The following STAC2 variants were observed in gnomAD, a reference collection of about 807,000 sequenced individuals.
The protein encoded by STAC2 is SH3 and cysteine rich domain 2.
In STAC2, 36 loss-of-function variants were observed where a neutral mutation model predicts 49.0. The ratio of observed to expected loss-of-function variants is 0.74; its 90% CI spans 0.56 to 0.97. STAC2 has a LOEUF of 0.97. Ranked by LOEUF, STAC2 falls within the 50% of genes least tolerant of loss-of-function variation. The pLI is 0.00. For missense variants in STAC2, 527 were observed against 543.8 expected, an observed-to-expected ratio of 0.97 and a Z score of 0.31; for synonymous variants, 239 against 214.7, an observed-to-expected ratio of 1.11 and a Z score of -0.99.
In STAC2 at chr17:39,211,716, T is replaced by C. The variant is rs945830208; in HGVS notation, c.*576A>G. The C allele has an allele frequency of 6.5e-6, 1 of 152,734 alleles. No individual in the cohort carries two copies. Among genetic ancestry groups the C allele is most frequent in the Non-Finnish European group, 1.5e-5 (1 of 68,064 alleles). 9.5% of individuals were successfully genotyped at this position (152,734 alleles called of 1,614,324 possible). A position where few individuals can be genotyped will look rare whatever the true frequency, so the allele number is the denominator to read the frequency against. On this transcript the variant is annotated 3_prime_UTR_variant, in exon 11 of 11. Coordinates refer to ENST00000333461, the MANE Select transcript of STAC2 (RefSeq NM_198993.5). ...GATTCCTGCAAAACTTTCCTGAGAA[T>C]TGACGGAATGACAGAGGTGGAGACC...
Position 39,216,896 on chromosome 17 carries a change from G to T in STAC2, c.500C>A (p.Thr167Asn), listed in dbSNP as rs775401753. ...SHQQCPGKTSTSFRRNFSSPL... is the reference protein window; with the variant it reads ...SHQQCPGKTSNSFRRNFSSPL... ...GGAACTGAAGTTGCGGCGGAAGGAG[G>T]TGGACTATGGCAAGAGAGGGCAGAG... The change falls in exon 4 of 11, where the codon ACC becomes AAC. Residue 167 changes from threonine (T) to asparagine (N), a missense_variant. Physicochemically the swap from Thr to Asn is moderately conservative, Grantham distance 65. Transcript: ENST00000333461. 6.2e-7 allele frequency: 1 copy of T among 1,600,440 alleles called. No individual in the cohort carries two copies. The highest frequency in any genetic ancestry group is 1.3e-5 in the African/African-American group (1 of 74,864).
intron 1 of STAC2, among the ~76,000 whole-genome samples, chr17:39,224,325 G>T (rs1028369959): frequency 7.9e-5 from 12 of 152,338 alleles, no homozygotes; most frequent in African/African-American, 2.4e-4. Context: ...CCGGGTGAAG[G>T]GGGAGGGAGG....
Position 39,225,304 on chromosome 17 carries a change from G to A in STAC2, c.90+109C>T. 5.7e-6 allele frequency: 5 copies of A among 884,716 alleles called. No homozygotes were observed. Among genetic ancestry groups the A allele is most frequent in the Non-Finnish European group, 8.2e-6 (5 of 609,842 alleles). 54.8% of individuals were successfully genotyped at this position (884,716 alleles called of 1,614,324 possible). ...AGCGGCGCGGAGCCTCAGTGGTCAC[G>A]CGGGCCTCGCGACCGCGACCCTAGG... On this transcript the variant is annotated intron_variant, in intron 1 of 10. Coordinates refer to ENST00000333461, the MANE Select transcript of STAC2 (RefSeq NM_198993.5). This position sits in a 1 kb window ranked among gnomAD's most constrained non-coding sequence, Gnocchi z 8.2.
In STAC2 at chr17:39,215,028, G is replaced by GGACA. The variant is rs1290219799; in HGVS notation, c.700-9_700-6dup. The GGACA allele has an allele frequency of 5.6e-6, 9 of 1,613,908 alleles. No homozygotes were observed. Among genetic ancestry groups the GGACA allele is most frequent in the Non-Finnish European group, 7.6e-6 (9 of 1,180,000 alleles). On this transcript the variant is annotated splice_polypyrimidine_tract_variant and splice_region_variant and intron_variant, in intron 5 of 10. Transcript: ENST00000333461. ...GGTCAGCTCATCCCGCTCACTCTAG[G>GGACA]GACAGAGAGAGGAGAGGGCTCAGCC...
Position 39,225,603 on chromosome 17 carries a change from C to T in STAC2, c.-101G>A. The T allele has an allele frequency of 5.4e-6, 6 of 1,120,160 alleles. No individual in the cohort carries two copies. Among genetic ancestry groups the T allele is most frequent in the Non-Finnish European group, 7.8e-6 (6 of 764,394 alleles). The allele number at this position is 1,120,160 out of a possible 1,614,324, so 69.4% of individuals were successfully genotyped here. ...GTCTCCGGGACTCTGAAGCCGTTCT[C>T]CAGAGGCTGCCCCCAGTTAGCCCCC... On this transcript the variant is annotated 5_prime_UTR_variant, in exon 1 of 11. An upstream open reading frame in the 5' UTR gains an earlier in-frame stop. Coordinates refer to ENST00000333461, the MANE Select transcript of STAC2 (RefSeq NM_198993.5). This position sits in a 1 kb window ranked among gnomAD's most constrained non-coding sequence, Gnocchi z 8.2.
intron 1 of STAC2, among the ~76,000 whole-genome samples, chr17:39,219,486 C>T (rs939151665): frequency 1.3e-5 from 2 of 152,150 alleles, no homozygotes; most frequent in South Asian, 2.1e-4. Flanking sequence ...CAGCTCCACT[C>T]GGGTGATGCT....
Position 39,217,988 on chromosome 17 carries a change from G to A in STAC2, c.276C>T (p.Ser92=). Residue 92 remains serine, a synonymous_variant, in exon 2 of 11, where the codon TCC becomes TCT. Coordinates refer to ENST00000333461, the MANE Select transcript of STAC2 (RefSeq NM_198993.5). ...TASDRGLATP[S]PSPCPVPRPL... ...GGCGTGGGACTGGGCATGGGGAGGG[G>A]GATGGGGTAGCCAGGCCCCTGTCCG... 1 of 1,586,364 alleles carries A rather than the reference G, an allele frequency of 6.3e-7. No homozygotes were observed. The highest frequency in any genetic ancestry group is 8.6e-7 in the Non-Finnish European group (1 of 1,167,126).
At position 39,214,283 on chromosome 17, in the gene STAC2, G is replaced by C; in HGVS notation, c.891C>G (p.Tyr297Ter). 3 of 1,614,058 alleles carry C rather than the reference G, an allele frequency of 1.9e-6. No homozygotes were observed. The highest frequency in any genetic ancestry group is 2.5e-6 in the Non-Finnish European group (3 of 1,179,960). Residue 297 changes from tyrosine to a stop codon, truncating the protein, a stop_gained, in exon 8 of 11, where the codon TAC (tyrosine) becomes TAG (stop). Transcript: ENST00000333461. LOFTEE classifies it high-confidence loss of function. ...LRKDVGPMYS[Y>*]VALYKFLPQE... ...GGGGCAGAAACTTGTAGAGTGCAAC[G>C]TAGGAGTACATGGGCCCCACATCCT...
Position 39,211,181 on chromosome 17 carries a change from G to C in STAC2, c.*1111C>G, listed in dbSNP as rs923785270. 2.6e-5 allele frequency: 4 copies of C among 152,412 alleles called. No homozygotes were observed. The highest frequency in any genetic ancestry group is 9.7e-5 in the African/African-American group (4 of 41,430). 9.4% of individuals were successfully genotyped at this position (152,412 alleles called of 1,614,324 possible). ...GGCGGGTGGTTCCTGTGTGACCGGG[G>C]GTCCTGACAGTGAAATGGGTTTGCT... On this transcript the variant is annotated 3_prime_UTR_variant, in exon 11 of 11. Coordinates refer to ENST00000333461, the MANE Select transcript of STAC2 (RefSeq NM_198993.5).
chr17:39,223,699 C>A (rs965432865), intron 1 of STAC2, among the ~76,000 whole-genome samples: 2 of 152,182 alleles, frequency 1.3e-5, no homozygotes, highest in African/African-American at 2.4e-5. Flanking sequence ...AGAGGACAGG[C>A]CTTGGTGTGG....
In STAC2 at chr17:39,215,155, CTG is replaced by C. The variant is rs1404740368; in HGVS notation, c.660_661del (p.Ser221PhefsTer6). On this transcript the variant is annotated frameshift_variant, in exon 5 of 11. Transcript: ENST00000333461. LOFTEE classifies it high-confidence loss of function. ...CGGGGACTCAGAGGTGCTGCTGAAA[CTG>C]GAGCGGTTCATCAGTGCCAGGGAGG... 6.2e-7 allele frequency: 1 copy of C among 1,614,084 alleles called. No individual in the cohort carries two copies. Among genetic ancestry groups the C allele is most frequent in the Non-Finnish European group, 8.5e-7 (1 of 1,180,006 alleles).
intron 9 of STAC2, 51 bp from the exon 10 acceptor site, chr17:39,213,183 C>T: frequency 1.3e-6 from 2 of 1,594,680 alleles, no homozygotes; most frequent in Non-Finnish European, 1.7e-6. Context: ...ACCCCTGCTG[C>T]CCACCACTGC....
chr17:39,213,284 T>G, intron 9 of STAC2, 152 bp from the exon 10 acceptor site: 2 of 1,381,812 alleles, frequency 1.4e-6, no homozygotes, highest in Non-Finnish European at 2.0e-6. Context: ...AGGTGGCTTC[T>G]GGGCCAGGAA....
rs1406658802 is a variant in STAC2, at chr17:39,214,783, A to G, written c.843+8T>C. On this transcript the variant is annotated splice_region_variant and intron_variant, in intron 7 of 10. Transcript: ENST00000333461. ...TGACCTTCCGGGCCAATGCCAGTAC[A>G]GGCTCACCTGCTGTCCAGGACTCTT... 1.2e-6 allele frequency: 2 copies of G among 1,613,586 alleles called. No homozygotes were observed. Among genetic ancestry groups the G allele is most frequent in the Non-Finnish European group, 1.7e-6 (2 of 1,179,822 alleles).
At chr17:39,218,833 T>G (rs968234232) in intron 1 of STAC2, among the ~76,000 whole-genome samples, 7 of 151,936 alleles carry the variant, frequency 4.6e-5, no homozygotes, top group African/African-American at 1.5e-4. Flanking sequence ...GGGAATCGCT[T>G]GAGCCAAGCA....
rs1236504902 is a variant in STAC2, at chr17:39,212,267, G to A, written c.*25C>T. 5.7e-6 allele frequency: 9 copies of A among 1,566,982 alleles called. No homozygotes were observed. The East Asian group carries it at 1.1e-4, about 20-fold the overall frequency. On this transcript the variant is annotated 3_prime_UTR_variant, in exon 11 of 11. Coordinates refer to ENST00000333461, the MANE Select transcript of STAC2 (RefSeq NM_198993.5). ...GCAAGGTCCAGGCATGGGCAAGGGT[G>A]TCATCTGGGTTCCCTTGGCTCCTCT... is the stretch of plus-strand genomic sequence containing the variant.
intron 1 of STAC2, among the ~76,000 whole-genome samples, chr17:39,221,461 C>T (rs989028079): frequency 2.0e-5 from 3 of 152,204 alleles, no homozygotes; most frequent in African/African-American, 7.2e-5. Context: ...AAACTTACAT[C>T]TCTGAGGGGC....
rs757210920 is a variant in STAC2, at chr17:39,225,508, G to C, written c.-6C>G. 12 of 1,609,896 alleles carry C rather than the reference G, an allele frequency of 7.5e-6. No individual in the cohort carries two copies. In the African/African-American group the frequency reaches 1.6e-4, roughly 22 times the overall value. On this transcript the variant is annotated 5_prime_UTR_variant, in exon 1 of 11. Coordinates refer to ENST00000333461, the MANE Select transcript of STAC2 (RefSeq NM_198993.5). The surrounding 1 kb of genome is among the most constrained non-coding windows in gnomAD (Gnocchi z 8.2). ...TTCTCGCTCATCTCGGTCATGGTTC[G>C]GGGAGAGGGGAGGAGAGGGTGCCGA...
intron 1 of STAC2, among the ~76,000 whole-genome samples, chr17:39,220,482 C>CT (rs11407976): frequency 0.52 from 76,680 of 147,708 alleles, 20,135 homozygotes; most frequent in African/African-American, 0.59. Context: ...CCTAGATACT[C>CT]TTTTTTTTTT....
Sources: allele counts gnomAD v4.1 joint callset (sites outside exome capture counted in the v4.1 genomes callset), GRCh38; gene constraint gnomAD v4.1.1; non-coding constraint Gnocchi (gnomAD v3.1); transcripts MANE v1.5; gene names NCBI Gene and HGNC (gene_info 2026-07-23, HGNC 2026-07-21).